The following KLHL29 variants were observed in gnomAD, a reference collection of about 807,000 sequenced individuals.
KLHL29 encodes kelch like family member 29, also known as kelch-like protein 29.
A neutral mutation model predicts 80.4 loss-of-function variants in KLHL29; 21 were observed. That is an observed-to-expected ratio of 0.26 (90% CI 0.19 to 0.38). The LOEUF is 0.38. Ranked by LOEUF, KLHL29 falls within the 10% of genes least tolerant of loss-of-function variation. The pLI is 1.00. For synonymous variants in KLHL29, 511 were observed against 526.8 expected, an observed-to-expected ratio of 0.97 and a Z score of 0.41; for missense variants, 867 against 1,223.9, an observed-to-expected ratio of 0.71 and a Z score of 4.35.
At chr2:23,396,848 G>T (rs1164445404) in intron 1 of KLHL29, among the ~76,000 whole-genome samples, 1 of 152,156 alleles carries the variant, frequency 6.6e-6, no homozygotes, top group Non-Finnish European at 1.5e-5. Context: ...TGGGGAAACT[G>T]CCTTTTTCTA....
At chr2:23,685,336 G>C (rs889017784) in intron 6 of KLHL29, 11 of 152,254 alleles carry the variant, frequency 7.2e-5, no homozygotes, top group African/African-American at 2.7e-4. Context: ...CGTAGTAAGG[G>C]AGAGCAGCCA....
intron 1 of KLHL29, among the ~76,000 whole-genome samples, chr2:23,448,174 G>A (rs573937511): frequency 6.6e-6 from 1 of 152,142 alleles, no homozygotes; most frequent in East Asian, 1.9e-4. Context: ...TAGGAAAGAG[G>A]TTCCCAAATC....
chr2:23,555,554 G>T (rs1488487449), intron 2 of KLHL29, among the ~76,000 whole-genome samples: 1 of 152,222 alleles, frequency 6.6e-6, no homozygotes, highest in South Asian at 2.1e-4. Context: ...AAAGGAAGTG[G>T]CCAGTTTCCA....
chr2:23,495,072 C>T (rs998639098), intron 2 of KLHL29, among the ~76,000 whole-genome samples: 2 of 152,150 alleles, frequency 1.3e-5, no homozygotes, highest in South Asian at 2.1e-4. Context: ...TTTTTGGAGA[C>T]GGAGTCTTGA....
At chr2:23,547,276 C>T (rs536418192) in intron 2 of KLHL29, among the ~76,000 whole-genome samples, 2 of 152,272 alleles carry the variant, frequency 1.3e-5, no homozygotes, top group South Asian at 4.1e-4. Context: ...TCTCATTACC[C>T]GATTCCGAGC....
chr2:23,492,856 G>C (rs17045480), intron 2 of KLHL29, among the ~76,000 whole-genome samples: 2,916 of 152,152 alleles, frequency 0.019, 96 homozygotes, highest in African/African-American at 0.06. Flanking sequence ...TTCCTTGAAG[G>C]CCCTCCTTAC....
At position 23,581,946 on chromosome 2, in the gene KLHL29, A is replaced by G. The variant is rs1169602930; in HGVS notation, c.285+19465A>G. ...AAACTCTCCCACAACACAACCACTC[A>G]TCAAGTGGGTTGCTTTCTGATTACC... On this transcript the variant is annotated intron_variant, in intron 3 of 13. Transcript: ENST00000486442. 3.3e-5 allele frequency among the ~76,000 whole-genome samples: 5 copies of G among 151,890 alleles called. No individual in the cohort carries two copies. In the South Asian group the frequency reaches 8.3e-4, roughly 25 times the overall value.
In KLHL29 at chr2:23,552,761, C is replaced by CTTTTTTT. The variant is rs60558023; in HGVS notation, c.-45-9380_-45-9374dup. On this transcript the variant is annotated intron_variant, in intron 2 of 13. Transcript: ENST00000486442. ...CACGGCTATAGCTCTGGTTTCTTTT[C>CTTTTTTT]TTTTTTTTTTTTTTTTTGAGATGGC... is the stretch of plus-strand genomic sequence containing the variant. Among the ~76,000 whole-genome samples the CTTTTTTT allele has an allele frequency of 1.7e-4, 16 of 95,544 alleles. 1 individual carries two copies. Among genetic ancestry groups the CTTTTTTT allele is most frequent in the East Asian group, 2.5e-4 (1 of 4,026 alleles). The allele number at this position is 95,544 out of a possible 152,430, so 62.7% of individuals were successfully genotyped here. A position where few individuals can be genotyped will look rare whatever the true frequency, so the allele number is the denominator to read the frequency against.
intron 6 of KLHL29, among the ~76,000 whole-genome samples, chr2:23,685,788 G>A (rs1364433690): frequency 6.6e-6 from 1 of 152,228 alleles, no homozygotes; most frequent in African/African-American, 2.4e-5. Flanking sequence ...GGCCTCACCA[G>A]GCCAGGGAGG....
chr2:23,543,922 C>T (rs905424457), intron 2 of KLHL29, among the ~76,000 whole-genome samples: 2 of 152,102 alleles, frequency 1.3e-5, no homozygotes, highest in South Asian at 2.1e-4. Flanking sequence ...ATGTCATCTC[C>T]CAGGTCCACC....
chr2:23,460,300 G>A (rs1412700329), intron 1 of KLHL29, among the ~76,000 whole-genome samples: 1 of 152,142 alleles, frequency 6.6e-6, no homozygotes, highest in Admixed American at 6.5e-5. Flanking sequence ...TGTTCACGGG[G>A]CTTATAGTTT....
At chr2:23,616,027 G>A (rs1668995217) in intron 3 of KLHL29, among the ~76,000 whole-genome samples, 1 of 152,320 alleles carries the variant, frequency 6.6e-6, no homozygotes, top group East Asian at 1.9e-4. Context: ...CCAAGGGTCA[G>A]TCCCCTTGGA....
intron 1 of KLHL29, among the ~76,000 whole-genome samples, chr2:23,465,226 G>T (rs184556433): frequency 6.6e-6 from 1 of 152,328 alleles, no homozygotes; most frequent in African/African-American, 2.4e-5. Flanking sequence ...CCAGGAAGGT[G>T]CTGAAGCTAG....
Position 23,460,486 on chromosome 2 carries a change from T to C in KLHL29, c.-153-15074T>C, listed in dbSNP as rs184302802. 1.3e-3 allele frequency among the ~76,000 whole-genome samples: 194 copies of C among 152,256 alleles called. 1 individual carries two copies. The highest frequency in any genetic ancestry group is 3.9e-3 in the African/African-American group (160 of 41,544). On this transcript the variant is annotated intron_variant, in intron 1 of 13. Coordinates refer to ENST00000486442, the MANE Select transcript of KLHL29 (RefSeq NM_052920.2). ...AGAAATGCTGCTAAGCATCTTAAAA[T>C]GCACAGAACAAGCCCATTACAAAGA...
chr2:23,440,779 A>G (rs2103414581), intron 1 of KLHL29, among the ~76,000 whole-genome samples: 1 of 152,296 alleles, frequency 6.6e-6, no homozygotes, highest in African/African-American at 2.4e-5. Flanking sequence ...CCACAATGAG[A>G]TACCATCTCA....
intron 1 of KLHL29, among the ~76,000 whole-genome samples, chr2:23,395,314 C>T (rs1666423052): frequency 6.6e-6 from 1 of 152,168 alleles, no homozygotes; most frequent in Non-Finnish European, 1.5e-5. Context: ...ACATTGGCCG[C>T]TGCTGCTATT....
At chr2:23,444,892 T>C (rs184028798) in intron 1 of KLHL29, among the ~76,000 whole-genome samples, 114 of 152,342 alleles carry the variant, frequency 7.5e-4, no homozygotes, top group African/African-American at 2.6e-3. Context: ...GTTAGCTTCA[T>C]GTGTTTTGGA....
At chr2:23,386,437 C>G (rs1158182330) in intron 1 of KLHL29, among the ~76,000 whole-genome samples, 2 of 152,362 alleles carry the variant, frequency 1.3e-5, no homozygotes, top group African/African-American at 4.8e-5. Flanking sequence ...CCGACACACA[C>G]ACGCACACTT....
intron 3 of KLHL29, among the ~76,000 whole-genome samples, chr2:23,584,288 CG>C (rs746517147): frequency 2.0e-5 from 3 of 152,186 alleles, no homozygotes; most frequent in African/African-American, 4.8e-5. Context: ...GGGCAGGCGG[CG>C]GTGCTGCTCA....
Sources: gnomAD v4.1 joint callset for allele counts (sites outside exome capture counted in the v4.1 genomes callset) on GRCh38, gnomAD v4.1.1 for gene constraint, MANE v1.5 for transcripts, NCBI Gene and HGNC (gene_info 2026-07-23, HGNC 2026-07-21) for gene names.